Variants in DNAH11 observed in about 807,000 individuals in gnomAD.
DNAH11 encodes the protein dynein axonemal heavy chain 11.
In DNAH11, 442 loss-of-function variants were observed where a neutral mutation model predicts 526.0. The observed-to-expected ratio is 0.84, with a 90% CI of 0.78 to 0.91. The LOEUF is 0.91. Among genes scored for constraint, DNAH11 ranks in the 40% least tolerant of loss-of-function variants. DNAH11 has a pLI of 0.00. For synonymous variants in DNAH11, 2,461 were observed against 1,935.9 expected, an observed-to-expected ratio of 1.27 and a Z score of -7.12; for missense variants, 6,989 against 5,448.7, an observed-to-expected ratio of 1.28 and a Z score of -8.90.
At chr7:21,890,209 T>G (rs1303378278) in intron 76 of DNAH11, among the ~76,000 whole-genome samples, 1 of 152,192 alleles carries the variant, frequency 6.6e-6, no homozygotes, top group African/African-American at 2.4e-5. Context: ...CACCAACCCA[T>G]TAAGTGATGG....
intron 5 of DNAH11, among the ~76,000 whole-genome samples, chr7:21,562,021 G>A (rs780771521): frequency 2.0e-5 from 3 of 150,894 alleles, no homozygotes; most frequent in Non-Finnish European, 4.5e-5. Context: ...ATAAGATAAG[G>A]AGGAATATAT....
intron 34 of DNAH11, among the ~76,000 whole-genome samples, chr7:21,688,503 T>C (rs1783478716): frequency 6.6e-6 from 1 of 152,200 alleles, no homozygotes; most frequent in Non-Finnish European, 1.5e-5. Flanking sequence ...AAAAAAACTC[T>C]CTCTATGCTG....
At chr7:21,710,524 A>G in intron 40 of DNAH11, 29 bp from the exon 41 acceptor site, 1 of 1,550,062 alleles carries the variant, frequency 6.5e-7, no homozygotes, top group Non-Finnish European at 8.8e-7. Flanking sequence ...TCGTAGAAAT[A>G]AACAGCACTC....
intron 61 of DNAH11, among the ~76,000 whole-genome samples, chr7:21,795,852 T>C (rs73277742): frequency 1.4e-3 from 207 of 152,294 alleles, no homozygotes; most frequent in African/African-American, 4.7e-3. Flanking sequence ...AGGATGGGGT[T>C]GGGTGCTCAG....
intron 74 of DNAH11, among the ~76,000 whole-genome samples, chr7:21,873,973 T>C (rs1336347768): frequency 6.6e-6 from 1 of 151,782 alleles, no homozygotes; most frequent in Admixed American, 6.6e-5. Flanking sequence ...GTATTTTTAG[T>C]AGAGATGGGG....
chr7:21,627,674 A>G (rs1786402354), intron 25 of DNAH11, among the ~76,000 whole-genome samples: 1 of 152,006 alleles, frequency 6.6e-6, no homozygotes, highest in Non-Finnish European at 1.5e-5. Context: ...TGATTTGGTT[A>G]CTGTAGCTTT....
chr7:21,697,234 A>G (rs548852880), intron 35 of DNAH11, among the ~76,000 whole-genome samples: 27 of 152,050 alleles, frequency 1.8e-4, no homozygotes, highest in Non-Finnish European at 3.2e-4. Flanking sequence ...AATTTTTTCA[A>G]ACGTTGCTGT....
intron 54 of DNAH11, among the ~76,000 whole-genome samples, chr7:21,764,544 T>C (rs552541786): frequency 2.6e-5 from 4 of 152,222 alleles, no homozygotes; most frequent in Admixed American, 2.6e-4. Context: ...ACGCAGGGAC[T>C]TGAGAATAAA....
At chr7:21,886,616 G>T (rs1784132287) in intron 76 of DNAH11, among the ~76,000 whole-genome samples, 1 of 152,010 alleles carries the variant, frequency 6.6e-6, no homozygotes, top group Non-Finnish European at 1.5e-5. Context: ...CCTTTACAGA[G>T]GCTGATTTCT....
chr7:21,892,095 AGAATCAAT>A (rs1784346672), intron 76 of DNAH11, among the ~76,000 whole-genome samples: 1 of 152,118 alleles, frequency 6.6e-6, no homozygotes, highest in African/African-American at 2.4e-5. Flanking sequence ...GATGGTTGGG[AGAATCAAT>A]GAATGGGAGT....
intron 46 of DNAH11, among the ~76,000 whole-genome samples, chr7:21,737,727 G>C (rs1785679198): frequency 6.6e-6 from 1 of 152,178 alleles, no homozygotes; most frequent in Non-Finnish European, 1.5e-5. Context: ...CTTTGCATCT[G>C]CCTGACTGGG....
At chr7:21,889,988 G>T (rs1210934027) in intron 76 of DNAH11, among the ~76,000 whole-genome samples, 3 of 152,124 alleles carry the variant, frequency 2.0e-5, no homozygotes, top group South Asian at 2.1e-4. Flanking sequence ...GGTTTTGTTT[G>T]TTTTTTCCTT....
At chr7:21,799,575 A>G (rs1257957765) in intron 61 of DNAH11, among the ~76,000 whole-genome samples, 1 of 152,148 alleles carries the variant, frequency 6.6e-6, no homozygotes, top group Admixed American at 6.5e-5. Context: ...TGACCTCGTG[A>G]TCTGCCTGCC....
intron 49 of DNAH11, 89 bp from the exon 50 acceptor site, chr7:21,744,349 G>A: frequency 7.2e-7 from 1 of 1,380,106 alleles, no homozygotes; most frequent in South Asian, 1.3e-5. Context: ...CATTTGCTAA[G>A]TTCACATTTT....
chr7:21,748,639 G>C lies in DNAH11; in HGVS notation c.8570G>C (p.Gly2857Ala), dbSNP rs778782293. Residue 2857 changes from glycine to alanine, a missense_variant, in exon 52 of 82, where the codon GGG becomes GCG. Transcript: ENST00000409508. The part of the protein sequence containing the change: ...PQGCALLVGV[G>A]GSGKQSLSRL... ...GGCTGTGCTCTCTTGGTTGGAGTTG[G>C]GGGCAGTGGCAAGCAGAGCTTGTCC... 25 of 1,613,126 alleles carry C rather than the reference G, an allele frequency of 1.5e-5. No individual in the cohort carries two copies. Among genetic ancestry groups the C allele is most frequent in the South Asian group, 8.8e-5 (8 of 90,922 alleles).
At chr7:21,667,631 T>G (rs971428405) in intron 30 of DNAH11, among the ~76,000 whole-genome samples, 5 of 152,124 alleles carry the variant, frequency 3.3e-5, no homozygotes, top group African/African-American at 9.7e-5. Flanking sequence ...GATTTCAATA[T>G]GATCCATTAA....
At chr7:21,602,232 A>T (rs1785119188) in intron 18 of DNAH11, among the ~76,000 whole-genome samples, 1 of 152,150 alleles carries the variant, frequency 6.6e-6, no homozygotes, top group Admixed American at 6.5e-5. Flanking sequence ...CCACCTACTC[A>T]GGAGGCTGAG....
At chr7:21,612,524 C>T (rs1785570069) in intron 20 of DNAH11, among the ~76,000 whole-genome samples, 1 of 135,248 alleles carries the variant, frequency 7.4e-6, no homozygotes, top group Non-Finnish European at 1.5e-5. Context: ...CACTGCACTC[C>T]AGCCTGGGCG....
At chr7:21,631,355 A>G (rs1041933366) in intron 25 of DNAH11, among the ~76,000 whole-genome samples, 6 of 152,126 alleles carry the variant, frequency 3.9e-5, no homozygotes, top group Non-Finnish European at 7.3e-5. Context: ...TTCAAAACCA[A>G]TCATGCCTTC....
Sources: allele counts gnomAD v4.1 joint callset (sites outside exome capture counted in the v4.1 genomes callset), GRCh38; gene constraint gnomAD v4.1.1; transcripts MANE v1.5; gene names NCBI Gene and HGNC (gene_info 2026-07-23, HGNC 2026-07-21).